Variants in SLC67A1 observed in about 807,000 individuals in gnomAD.
SLC67A1 encodes solute carrier family 67 member 1, also known as solute carrier family 67 member A1.
the SLC67A1 span, chr11:2,909,341 A>C: frequency 6.6e-7 from 1 of 1,520,042 alleles, no homozygotes; most frequent in South Asian, 1.2e-5. Flanking sequence ...CGGAGCGCTC[A>C]TGCACACGCT....
At chr11:2,913,192 G>A in the SLC67A1 span, among the ~76,000 whole-genome samples, 51 of 152,204 alleles carry the variant, frequency 3.4e-4, no homozygotes, top group East Asian at 8.7e-3. Context: ...CAGGCCCGCC[G>A]CCCCCCCAGC....
At chr11:2,915,803 G>A in the SLC67A1 span, among the ~76,000 whole-genome samples, 1 of 152,232 alleles carries the variant, frequency 6.6e-6, no homozygotes, top group South Asian at 2.1e-4. Context: ...TCCCTGAGGG[G>A]AGGGGGCTGG....
At chr11:2,902,835 T>A in the SLC67A1 span, 1 of 726,336 alleles carries the variant, frequency 1.4e-6, no homozygotes, top group Non-Finnish European at 1.7e-6. Context: ...AGACCTTCCC[T>A]GAGAGCTGCA....
At chr11:2,917,845 A>AAT in the SLC67A1 span, 1 of 619,636 alleles carries the variant, frequency 1.6e-6, no homozygotes, top group East Asian at 2.8e-5. Flanking sequence ...CCATTCCCAC[A>AAT]AGTGAGCGGT....
chr11:2,911,932 T>C, the SLC67A1 span, among the ~76,000 whole-genome samples: 1 of 152,210 alleles, frequency 6.6e-6, no homozygotes, highest in Non-Finnish European at 1.5e-5. Context: ...GAACATTCCA[T>C]TCGCTTCCCT....
chr11:2,922,170 C>T, the SLC67A1 span: 14 of 1,613,492 alleles, frequency 8.7e-6, no homozygotes, highest in East Asian at 4.5e-5. Context: ...TCCGGGCCAG[C>T]GTGCTGGTCT....
the SLC67A1 span, chr11:2,925,121 A>G: frequency 6.2e-7 from 1 of 1,613,880 alleles, no homozygotes. This position sits in a 1 kb window ranked among gnomAD's most constrained non-coding sequence, Gnocchi z 6.5. Flanking sequence ...GGCCACGTGC[A>G]GGTTGCTATC....
chr11:2,910,296 A>G, the SLC67A1 span, among the ~76,000 whole-genome samples: 2 of 152,138 alleles, frequency 1.3e-5, no homozygotes, highest in African/African-American at 4.8e-5. Flanking sequence ...TCTAGAATAC[A>G]GCGGCAGACA....
chr11:2,904,032 G>A, the SLC67A1 span, among the ~76,000 whole-genome samples: 9 of 152,190 alleles, frequency 5.9e-5, no homozygotes, highest in South Asian at 6.2e-4. Flanking sequence ...TGCCAAATGC[G>A]GAAACATTTC....
the SLC67A1 span, among the ~76,000 whole-genome samples, chr11:2,904,957 T>G: frequency 3.6e-4 from 55 of 152,170 alleles, 1 homozygote; most frequent in African/African-American, 1.3e-3. Context: ...GGCTGGATTT[T>G]GCATGTGTTG....
At chr11:2,908,598 G>A in the SLC67A1 span, among the ~76,000 whole-genome samples, 2 of 152,190 alleles carry the variant, frequency 1.3e-5, no homozygotes, top group African/African-American at 2.4e-5. Context: ...GCACCAGCCC[G>A]TAGGCCTGCC....
chr11:2,902,790 C>T, the SLC67A1 span: 1 of 963,378 alleles, frequency 1.0e-6, no homozygotes, highest in African/African-American at 1.8e-5. Context: ...TCCAGAAGCC[C>T]CTTGGAGCTC....
At chr11:2,914,984 G>T in the SLC67A1 span, 1 of 985,420 alleles carries the variant, frequency 1.0e-6, no homozygotes, top group Non-Finnish European at 1.2e-6. Flanking sequence ...GGGCCCATTC[G>T]TGCGGAACCC....
chr11:2,917,893 C>T, the SLC67A1 span: 1 of 936,744 alleles, frequency 1.1e-6, no homozygotes, highest in African/African-American at 1.7e-5. Context: ...CTGGCGGGCG[C>T]AACAGGGCCC....
At chr11:2,905,691 G>A in the SLC67A1 span, among the ~76,000 whole-genome samples, 1 of 152,226 alleles carries the variant, frequency 6.6e-6, no homozygotes, top group Non-Finnish European at 1.5e-5. Context: ...CGAGGGCTGG[G>A]AGAGAAGGAA....
At chr11:2,902,481 T>TCC in the SLC67A1 span, 12 of 556,826 alleles carry the variant, frequency 2.2e-5, no homozygotes, top group Admixed American at 1.3e-4. Context: ...GCTGCCCTGC[T>TCC]CCCCCCAGCC....
At chr11:2,909,541 G>A in the SLC67A1 span, 1 of 1,508,058 alleles carries the variant, frequency 6.6e-7, no homozygotes. Flanking sequence ...CCCCACCGAG[G>A]GGCTTTCGCC....
At chr11:2,919,504 A>G in the SLC67A1 span, 1 of 891,610 alleles carries the variant, frequency 1.1e-6, no homozygotes, top group South Asian at 1.5e-5. Context: ...GAGGCTGGGG[A>G]GCCCTTGGCC....
chr11:2,916,384 G>T, the SLC67A1 span: 1 of 458,798 alleles, frequency 2.2e-6, no homozygotes, highest in Non-Finnish European at 3.8e-6. Context: ...GGGCTGCCGG[G>T]GCCTGCATGG....
Sources: allele counts gnomAD v4.1 joint callset (sites outside exome capture counted in the v4.1 genomes callset), GRCh38; gene constraint gnomAD v4.1.1; non-coding constraint Gnocchi (gnomAD v3.1); transcripts MANE v1.5; gene names NCBI Gene and HGNC (gene_info 2026-07-23, HGNC 2026-07-21).